MIR2052HG: variants seen among roughly 807,000 people sequenced by gnomAD.
MIR2052HG encodes the protein MIR2052 host gene.
chr8:74,714,824 C>T (rs1809505126), intron 4 of MIR2052HG, among the ~76,000 whole-genome samples: 1 of 151,540 alleles, frequency 6.6e-6, no homozygotes, highest in African/African-American at 2.4e-5. Flanking sequence ...CCTGCCTCAG[C>T]CTCCTGAGTA....
At chr8:74,631,982 G>A (rs1808517224) in intron 2 of MIR2052HG, among the ~76,000 whole-genome samples, 1 of 152,092 alleles carries the variant, frequency 6.6e-6, no homozygotes, top group Non-Finnish European at 1.5e-5. Flanking sequence ...ATTGCATTAA[G>A]GGTTCAGTTT....
chr8:74,722,101 T>C (rs1297422707), intron 4 of MIR2052HG, among the ~76,000 whole-genome samples: 1 of 152,102 alleles, frequency 6.6e-6, no homozygotes, highest in Admixed American at 6.5e-5. Context: ...CGCTTGATCC[T>C]GGGAGGTTGA....
intron 2 of MIR2052HG, among the ~76,000 whole-genome samples, chr8:74,624,986 C>T (rs1465296206): frequency 6.6e-6 from 1 of 152,092 alleles, no homozygotes; most frequent in African/African-American, 2.4e-5. Flanking sequence ...TATTCACAAA[C>T]CATATGGATC....
At chr8:74,623,230 A>G (rs1808389039) in intron 2 of MIR2052HG, among the ~76,000 whole-genome samples, 1 of 152,252 alleles carries the variant, frequency 6.6e-6, no homozygotes, top group African/African-American at 2.4e-5. Context: ...TACATACATT[A>G]AAACATTATG....
chr8:74,643,269 G>A (rs1009559842), intron 2 of MIR2052HG, among the ~76,000 whole-genome samples: 2 of 152,232 alleles, frequency 1.3e-5, no homozygotes, highest in South Asian at 2.1e-4. Flanking sequence ...TCAGAATTCC[G>A]TAATTTCTTT....
intron 2 of MIR2052HG, among the ~76,000 whole-genome samples, chr8:74,663,636 C>T (rs1422250351): frequency 6.6e-6 from 1 of 152,208 alleles, no homozygotes; most frequent in Non-Finnish European, 1.5e-5. Context: ...CTTCCTAACT[C>T]TCATGAAGTA....
intron 4 of MIR2052HG, among the ~76,000 whole-genome samples, chr8:74,706,219 C>T (rs1809408918): frequency 6.6e-6 from 1 of 152,062 alleles, no homozygotes. Flanking sequence ...GGGCAATGGA[C>T]ATGACCTGAC....
At chr8:74,635,258 C>A (rs1445359190) in intron 2 of MIR2052HG, among the ~76,000 whole-genome samples, 1 of 148,844 alleles carries the variant, frequency 6.7e-6, no homozygotes, top group Non-Finnish European at 1.5e-5. Flanking sequence ...TTTTTTTTAC[C>A]GTCAGGAAGG....
At chr8:74,636,505 G>A (rs1349569970) in intron 2 of MIR2052HG, among the ~76,000 whole-genome samples, 3 of 152,112 alleles carry the variant, frequency 2.0e-5, no homozygotes, top group Non-Finnish European at 2.9e-5. Flanking sequence ...CTCAAAGCGC[G>A]AATCCAAGAT....
In MIR2052HG at chr8:74,652,656, G is replaced by A. The variant is rs536784064; in HGVS notation, n.216+39716G>A. Among the ~76,000 whole-genome samples the A allele has an allele frequency of 7.9e-5, 12 of 152,222 alleles. 1 individual carries two copies. In the South Asian group the frequency reaches 2.5e-3, roughly 32 times the overall value. On this transcript the variant is annotated intron_variant and non_coding_transcript_variant, in intron 2 of 6. Coordinates refer to ENST00000523442, the Ensembl canonical transcript of MIR2052HG. ...TTAAAAATAGGGTTCTCTGGGGTGGGTGGAGACGGGAAGGTATTCTGCATT... is the reference window on the plus strand; with the variant it reads ...TTAAAAATAGGGTTCTCTGGGGTGGATGGAGACGGGAAGGTATTCTGCATT...
chr8:74,650,309 T>G (rs1231765281), intron 2 of MIR2052HG, among the ~76,000 whole-genome samples: 1 of 152,186 alleles, frequency 6.6e-6, no homozygotes, highest in Non-Finnish European at 1.5e-5. Context: ...GTGTTTGACT[T>G]TTTTCACTTA....
At chr8:74,656,057 CCT>C (rs1313784041) in intron 2 of MIR2052HG, among the ~76,000 whole-genome samples, 2 of 152,074 alleles carry the variant, frequency 1.3e-5, no homozygotes, top group African/African-American at 4.8e-5. Context: ...CCCTGTAACC[CCT>C]TTGTTTTGGC....
At chr8:74,660,146 G>T (rs533041218) in intron 2 of MIR2052HG, among the ~76,000 whole-genome samples, 3 of 152,266 alleles carry the variant, frequency 2.0e-5, no homozygotes, top group Admixed American at 6.5e-5. Context: ...TCTTTTTCAT[G>T]AAGTTTTGCT....
chr8:74,655,952 G>A (rs536130131), intron 2 of MIR2052HG, among the ~76,000 whole-genome samples: 1 of 152,154 alleles, frequency 6.6e-6, no homozygotes, highest in Non-Finnish European at 1.5e-5. Context: ...CCTTCCTCTT[G>A]CATCAGCATG....
At chr8:74,703,615 T>G in exon 4 of MIR2052HG, 1 of 452,466 alleles carries the variant, frequency 2.2e-6, no homozygotes, top group South Asian at 1.6e-5. Flanking sequence ...GGTTGCTTAT[T>G]GAATATTACT....
chr8:74,719,314 T>A (rs954193668), intron 4 of MIR2052HG, among the ~76,000 whole-genome samples: 7 of 152,122 alleles, frequency 4.6e-5, no homozygotes, highest in Admixed American at 4.6e-4. Context: ...AATGATGAAC[T>A]GAATAACTGC....
chr8:74,666,881 T>A (rs1808929607), intron 2 of MIR2052HG, among the ~76,000 whole-genome samples: 1 of 152,194 alleles, frequency 6.6e-6, no homozygotes, highest in South Asian at 2.1e-4. Context: ...CTAGTCCTAC[T>A]TGGGATTTCT....
At chr8:74,738,133 G>GTATGTATCTATC (rs1554578693) in intron 4 of MIR2052HG, among the ~76,000 whole-genome samples, 24,947 of 149,282 alleles carry the variant, frequency 0.17, 2,497 homozygotes, top group Middle Eastern at 0.31. Context: ...ATGTATGTAT[G>GTATGTATCTATC]TATCTATCTA....
chr8:74,651,075 C>T (rs564763124), intron 2 of MIR2052HG, among the ~76,000 whole-genome samples: 4 of 151,388 alleles, frequency 2.6e-5, no homozygotes, highest in African/African-American at 4.9e-5. Flanking sequence ...TCTGTGTATA[C>T]GTTTGTTTCT....
Sources: allele counts gnomAD v4.1 joint callset (sites outside exome capture counted in the v4.1 genomes callset), GRCh38; gene constraint gnomAD v4.1.1; transcripts MANE v1.5; gene names NCBI Gene and HGNC (gene_info 2026-07-23, HGNC 2026-07-21).